Variants in SCAPER observed in about 807,000 individuals in gnomAD.
The protein encoded by SCAPER is S-phase cyclin A associated protein in the ER.
In SCAPER, 98 loss-of-function variants were observed where a neutral mutation model predicts 182.2. That is an observed-to-expected ratio of 0.54 (90% CI 0.46 to 0.64). The LOEUF (loss-of-function observed/expected upper bound fraction) is 0.64, where lower values mean the gene tolerates loss of function less well. Among genes scored for constraint, SCAPER ranks in the 30% least tolerant of loss-of-function variants. The probability of loss-of-function intolerance (pLI) is 0.00; values close to 1 mark genes in which losing one functional copy is unlikely to be tolerated. For missense variants in SCAPER, 1,432 were observed against 1,690.0 expected (o/e 0.85, Z 2.68); for synonymous variants, 605 against 564.6 (o/e 1.07, Z -1.01).
At chr15:76,348,784 T>C in intron 31 of SCAPER, 48 bp from the exon 32 acceptor site, 1 of 1,124,462 alleles carries the variant, frequency 8.9e-7, no homozygotes, top group Non-Finnish European at 1.3e-6. Flanking sequence ...GAGGGTTAAA[T>C]TCTTTGAAGA....
intron 16 of SCAPER, among the ~76,000 whole-genome samples, chr15:76,730,255 T>C (rs1415776107): frequency 6.6e-6 from 1 of 152,140 alleles, no homozygotes; most frequent in African/African-American, 2.4e-5. Flanking sequence ...AGAAAGCCTT[T>C]TAAAAATAGC....
chr15:76,705,955 G>GT lies in SCAPER; in HGVS notation c.2194dup (p.Thr732AsnfsTer20). 1 of 1,563,998 alleles carries GT rather than the reference G, an allele frequency of 6.4e-7. No individual in the cohort carries two copies. Among genetic ancestry groups the GT allele is most frequent in the Non-Finnish European group, 8.7e-7 (1 of 1,156,040 alleles). On this transcript the variant is annotated frameshift_variant, in exon 18 of 32. Transcript: ENST00000563290. LOFTEE classifies it high-confidence loss of function. ...TTCCATAGCTTCTTGTTGAGCAGCT[G>GT]TGAGTGCTGCCAATCGTTCTTCCCT...
At chr15:76,500,796 T>G (rs2041038696) in intron 24 of SCAPER, among the ~76,000 whole-genome samples, 1 of 152,048 alleles carries the variant, frequency 6.6e-6, no homozygotes, top group African/African-American at 2.4e-5. Flanking sequence ...GTTTGTAGGT[T>G]GGGGAGGCCA....
At chr15:76,844,271 GAAAAA>G (rs34092470) in intron 4 of SCAPER, among the ~76,000 whole-genome samples, 4 of 125,352 alleles carry the variant, frequency 3.2e-5, no homozygotes. Context: ...ACAGAAAGAG[GAAAAA>G]AAAAAAAAAA....
intron 14 of SCAPER, among the ~76,000 whole-genome samples, chr15:76,764,366 T>C (rs1359911019): frequency 6.6e-6 from 1 of 152,094 alleles, no homozygotes; most frequent in Non-Finnish European, 1.5e-5. Flanking sequence ...GCATCCCTGG[T>C]AGGTGGGAGC....
At chr15:76,784,235 C>G (rs1345281504) in intron 8 of SCAPER, among the ~76,000 whole-genome samples, 1 of 151,170 alleles carries the variant, frequency 6.6e-6, no homozygotes, top group East Asian at 1.9e-4. Context: ...TCCCTATACA[C>G]CAATAACAGA....
chr15:76,484,162 A>G (rs2051392150), intron 24 of SCAPER, among the ~76,000 whole-genome samples: 1 of 152,186 alleles, frequency 6.6e-6, no homozygotes, highest in African/African-American at 2.4e-5. Flanking sequence ...CAGCAATAAA[A>G]AGAACTGAGC....
intron 23 of SCAPER, among the ~76,000 whole-genome samples, chr15:76,564,004 A>G (rs979641090): frequency 6.6e-6 from 1 of 152,148 alleles, no homozygotes; most frequent in Non-Finnish European, 1.5e-5. Context: ...TAGGTATTAA[A>G]ATAACATACC....
chr15:76,577,248 C>A (rs2047900240), intron 22 of SCAPER, among the ~76,000 whole-genome samples: 1 of 152,198 alleles, frequency 6.6e-6, no homozygotes, highest in Non-Finnish European at 1.5e-5. Context: ...AAGTTCAAGA[C>A]CAGCCTGGGC....
intron 2 of SCAPER, among the ~76,000 whole-genome samples, chr15:76,876,164 C>T (rs564782469): frequency 2.0e-5 from 3 of 152,328 alleles, no homozygotes; most frequent in Non-Finnish European, 4.4e-5. Context: ...GCAAGCGCCA[C>T]GCACAGCCCT....
intron 24 of SCAPER, among the ~76,000 whole-genome samples, chr15:76,488,884 A>T (rs1027346019): frequency 6.6e-6 from 1 of 150,906 alleles, no homozygotes; most frequent in East Asian, 2.0e-4. Context: ...GACCACACCC[A>T]GCTAATTTTT....
chr15:76,404,817 A>C, intron 26 of SCAPER, 138 bp from the exon 27 acceptor site: 116 of 667,246 alleles, frequency 1.7e-4, no homozygotes, highest in Non-Finnish European at 2.4e-4. Flanking sequence ...AAAGCATCTC[A>C]AGTAACAATT....
intron 22 of SCAPER, among the ~76,000 whole-genome samples, chr15:76,586,919 A>G (rs1261786915): frequency 6.6e-6 from 1 of 151,844 alleles, no homozygotes; most frequent in Non-Finnish European, 1.5e-5. Context: ...TCAGCTGTGA[A>G]ACTGTCTGGT....
chr15:76,781,022 G>A (rs2064093794), intron 8 of SCAPER, among the ~76,000 whole-genome samples: 2 of 152,164 alleles, frequency 1.3e-5, no homozygotes, highest in African/African-American at 4.8e-5. Flanking sequence ...GAACAAAGCT[G>A]GATGGAGGAT....
intron 4 of SCAPER, among the ~76,000 whole-genome samples, chr15:76,850,995 C>T (rs2070700127): frequency 1.3e-5 from 2 of 151,514 alleles, no homozygotes; most frequent in Admixed American, 6.6e-5. Flanking sequence ...AAGAAATACC[C>T]AGTATAAAAA....
chr15:76,568,448 T>G (rs1176712585), intron 23 of SCAPER, among the ~76,000 whole-genome samples: 2 of 152,024 alleles, frequency 1.3e-5, no homozygotes, highest in African/African-American at 4.8e-5. Flanking sequence ...TTCTGACTCC[T>G]GAGTTCGAGT....
intron 27 of SCAPER, among the ~76,000 whole-genome samples, chr15:76,403,881 A>G (rs1262179761): frequency 1.3e-5 from 2 of 152,050 alleles, no homozygotes; most frequent in Admixed American, 6.6e-5. Flanking sequence ...TTCCTAGAGA[A>G]TTATTGTTTT....
intron 16 of SCAPER, 70 bp from the exon 17 acceptor site, chr15:76,728,807 C>T: frequency 6.8e-6 from 10 of 1,473,508 alleles, no homozygotes; most frequent in Non-Finnish European, 9.1e-6. Context: ...AAGTAATATA[C>T]CTTTCACCAA....
intron 9 of SCAPER, 50 bp from the exon 10 acceptor site, chr15:76,772,004 T>C (rs1036327570): frequency 7.3e-7 from 1 of 1,367,670 alleles, no homozygotes. Context: ...ATACCAACTA[T>C]TCCACTTTAG....
Sources: allele counts gnomAD v4.1 joint callset (sites outside exome capture counted in the v4.1 genomes callset), GRCh38; gene constraint gnomAD v4.1.1; transcripts MANE v1.5; gene names NCBI Gene and HGNC (gene_info 2026-07-23, HGNC 2026-07-21).